Variants in FAM3B observed in about 807,000 individuals in gnomAD.
FAM3B encodes the protein FAM3 metabolism regulating signaling molecule B, also known as protein FAM3B.
FAM3B carries 29 observed loss-of-function variants against 28.4 expected under a neutral mutation model. The ratio of observed to expected loss-of-function variants is 1.02; its 90% CI spans 0.76 to 1.39. FAM3B has a LOEUF of 1.39. Ranked by LOEUF, FAM3B falls within the 40% of genes most tolerant of loss-of-function variation. FAM3B has a pLI of 0.00. For synonymous variants in FAM3B, 91 were observed against 103.0 expected, an observed-to-expected ratio of 0.88 and a Z score of 0.71; for missense variants, 266 against 293.9, an observed-to-expected ratio of 0.91 and a Z score of 0.69.
At chr21:41,329,353 CG>C (rs1014358732) in intron 2 of FAM3B, among the ~76,000 whole-genome samples, 5 of 152,182 alleles carry the variant, frequency 3.3e-5, no homozygotes, top group African/African-American at 1.2e-4. Flanking sequence ...CCTCATCCCA[CG>C]GGGGACGTGA....
In FAM3B at chr21:41,330,151, AC is replaced by A. The variant is rs1481981365; in HGVS notation, c.163+7086del. ...CTGTATAGGAAAAAAAAAAAAAAAAACATAATACAGGTACAGCATCCCAAAT... is the reference window on the plus strand; with the variant it reads ...CTGTATAGGAAAAAAAAAAAAAAAAAATAATACAGGTACAGCATCCCAAAT... On this transcript the variant is annotated intron_variant, in intron 2 of 7. Transcript: ENST00000357985. 2.9e-4 allele frequency among the ~76,000 whole-genome samples: 43 copies of A among 150,432 alleles called. 1 individual carries two copies. The highest frequency in any genetic ancestry group is 9.2e-4 in the Admixed American group (14 of 15,144).
chr21:41,311,249 AAAATATATATATATATATATATAT>A (rs1156980261), intron 1 of FAM3B, among the ~76,000 whole-genome samples: 11 of 56,650 alleles, frequency 1.9e-4, no homozygotes, highest in Admixed American at 7.5e-4. Context: ...AAAAAAAAAA[AAAATATATATATATATATATATAT>A]ATATATATAT....
chr21:41,324,634 A>C (rs1352838650), intron 2 of FAM3B, among the ~76,000 whole-genome samples: 1 of 152,214 alleles, frequency 6.6e-6, no homozygotes, highest in East Asian at 1.9e-4. Context: ...TTAATTCAGC[A>C]GGTATATTTA....
chr21:41,316,047 C>CT (rs2088746380), upstream of FAM3B, among the ~76,000 whole-genome samples: 3 of 152,206 alleles, frequency 2.0e-5, 1 homozygote, highest in South Asian at 6.2e-4. Context: ...CCTGAGGCCA[C>CT]TGTGACTATC....
chr21:41,328,502 A>G (rs563264890), intron 2 of FAM3B, among the ~76,000 whole-genome samples: 2 of 146,148 alleles, frequency 1.4e-5, no homozygotes, highest in Admixed American at 1.4e-4. Context: ...GAGACTGACC[A>G]AAAAAAAAAA....
chr21:41,335,364 T>G (rs1376704495), intron 2 of FAM3B, among the ~76,000 whole-genome samples: 2 of 152,184 alleles, frequency 1.3e-5, no homozygotes, highest in Non-Finnish European at 2.9e-5. Flanking sequence ...TTGTTGGAGG[T>G]GGGGCATGGT....
chr21:41,322,511 G>T, intron 1 of FAM3B: 2 of 700,770 alleles, frequency 2.9e-6, no homozygotes, highest in Admixed American at 2.0e-5. Flanking sequence ...ACCCCTGAAG[G>T]TTTCAATGTA....
chr21:41,343,069 A>AT, intron 3 of FAM3B, among the ~76,000 whole-genome samples: 1 of 152,196 alleles, frequency 6.6e-6, no homozygotes, highest in South Asian at 2.1e-4. Flanking sequence ...ACAAGCTCTG[A>AT]TTTTTTTCTG....
intron 1 of FAM3B, among the ~76,000 whole-genome samples, chr21:41,321,682 C>T (rs922390406): frequency 3.3e-5 from 5 of 152,228 alleles, no homozygotes; most frequent in African/African-American, 1.2e-4. Context: ...AGAAACATCG[C>T]GTTCTATCCC....
At chr21:41,332,723 G>A (rs904999664) in intron 2 of FAM3B, among the ~76,000 whole-genome samples, 7 of 151,806 alleles carry the variant, frequency 4.6e-5, no homozygotes, top group African/African-American at 7.3e-5. Flanking sequence ...TCCTTTTTTC[G>A]GTGTATAATT....
At chr21:41,329,656 G>A (rs80001602) in intron 2 of FAM3B, among the ~76,000 whole-genome samples, 14 of 150,154 alleles carry the variant, frequency 9.3e-5, no homozygotes, top group South Asian at 8.4e-4. Context: ...TGCAATCTCC[G>A]CCTCCTGGGT....
intron 7 of FAM3B, among the ~76,000 whole-genome samples, chr21:41,356,863 C>T (rs1173835799): frequency 2.6e-5 from 4 of 152,168 alleles, no homozygotes; most frequent in African/African-American, 7.2e-5. Context: ...ATCCCAGTGA[C>T]CCTGATTTGA....
chr21:41,305,358 A>G (rs984773686), intron 1 of FAM3B, among the ~76,000 whole-genome samples: 3 of 152,116 alleles, frequency 2.0e-5, no homozygotes, highest in Admixed American at 1.3e-4. Flanking sequence ...ACACGTGGCC[A>G]CTCAGTCTCA....
At chr21:41,320,493 TG>T (rs2088792267) in intron 1 of FAM3B, 1 of 152,348 alleles carries the variant, frequency 6.6e-6, no homozygotes, top group Admixed American at 6.6e-5. Flanking sequence ...GCCTGGATTT[TG>T]TCTGTCACCT....
intron 2 of FAM3B, among the ~76,000 whole-genome samples, chr21:41,328,794 A>AG (rs1327268491): frequency 6.6e-6 from 1 of 152,144 alleles, no homozygotes; most frequent in Non-Finnish European, 1.5e-5. Context: ...GGTCTGAAGG[A>AG]GGGGAGCCAG....
chr21:41,331,268 T>C (rs898717679), intron 2 of FAM3B, among the ~76,000 whole-genome samples: 1 of 152,258 alleles, frequency 6.6e-6, no homozygotes, highest in Non-Finnish European at 1.5e-5. Flanking sequence ...TTTATCCATT[T>C]TTCAATCATG....
At chr21:41,355,330 C>A (rs1169269722) in intron 7 of FAM3B, among the ~76,000 whole-genome samples, 4 of 152,058 alleles carry the variant, frequency 2.6e-5, no homozygotes, top group Admixed American at 2.6e-4. Flanking sequence ...GGTATATACC[C>A]AAGAGAATGA....
upstream of FAM3B, among the ~76,000 whole-genome samples, chr21:41,314,004 AAAAC>A (rs1232775367): frequency 6.6e-6 from 1 of 152,216 alleles, no homozygotes; most frequent in Non-Finnish European, 1.5e-5. Flanking sequence ...CACCAAAACA[AAAAC>A]AAAAACAAAA....
intron 1 of FAM3B, among the ~76,000 whole-genome samples, chr21:41,307,131 G>T (rs2088686876): frequency 6.6e-6 from 1 of 152,186 alleles, no homozygotes; most frequent in Non-Finnish European, 1.5e-5. Context: ...CTTTATCAAT[G>T]ATCTTAGCTA....
Sources: allele counts gnomAD v4.1 joint callset (sites outside exome capture counted in the v4.1 genomes callset), GRCh38; gene constraint gnomAD v4.1.1; transcripts MANE v1.5; gene names NCBI Gene and HGNC (gene_info 2026-07-23, HGNC 2026-07-21).